MET: variants seen among roughly 807,000 people sequenced by gnomAD.
MET encodes the protein MET proto-oncogene, receptor tyrosine kinase, also known as hepatocyte growth factor receptor.
Under a neutral mutation model 133.1 loss-of-function variants are expected in MET, and 48 were observed. That is an observed-to-expected ratio of 0.36 (90% CI 0.29 to 0.46). The LOEUF is 0.46. MET is among the 20% of genes least tolerant of loss of function. The pLI is 1.00. For synonymous variants in MET, 628 were observed against 616.5 expected, an observed-to-expected ratio of 1.02 and a Z score of -0.28; for missense variants, 1,442 against 1,695.9, an observed-to-expected ratio of 0.85 and a Z score of 2.63.
intron 19 of MET, among the ~76,000 whole-genome samples, chr7:116,792,456 GACACACACACACACACACACAC>G (rs56212730): frequency 3.7e-5 from 3 of 80,738 alleles, no homozygotes; most frequent in South Asian, 5.7e-4. Flanking sequence ...TCAACCGACA[GACACACACACACACACACACAC>G]ACACACACAC....
chr7:116,712,702 C>A (rs1792044886), intron 2 of MET, among the ~76,000 whole-genome samples: 2 of 151,964 alleles, frequency 1.3e-5, no homozygotes, highest in Non-Finnish European at 2.9e-5. Flanking sequence ...CCCGTCCCCC[C>A]CACACACACC....
chr7:116,790,794 G>C (rs565630171), intron 19 of MET, among the ~76,000 whole-genome samples: 103 of 152,114 alleles, frequency 6.8e-4, no homozygotes, highest in African/African-American at 2.4e-3. Flanking sequence ...AGAACATTTG[G>C]GGCCAGGAGA....
At chr7:116,709,945 AT>A (rs1308423158) in intron 2 of MET, among the ~76,000 whole-genome samples, 1 of 152,206 alleles carries the variant, frequency 6.6e-6, no homozygotes, top group African/African-American at 2.4e-5. Flanking sequence ...AAGAAGAGGA[AT>A]TTCTAATAGG....
chr7:116,775,096 G>C lies in MET; in HGVS notation c.3244G>C (p.Glu1082Gln), dbSNP rs1584957997. The change falls in exon 15 of 21, where the codon GAA becomes CAA. Residue 1082 changes from glutamate (E) to glutamine (Q), a missense_variant. Coordinates refer to ENST00000397752, the MANE Select transcript of MET (RefSeq NM_000245.4). Reference protein sequence around the residue: ...GPSSLIVHFNEVIGRGHFGCV... With the variant: ...GPSSLIVHFNQVIGRGHFGCV... ...CAGTAGCCTGATTGTGCATTTCAAT[G>C]AAGTCATAGGAAGAGGTAAGTATTT... is the stretch of plus-strand genomic sequence containing the variant. The C allele has an allele frequency of 5.6e-6, 9 of 1,614,138 alleles. 1 individual carries two copies. The South Asian group carries it at 9.9e-5, about 18-fold the overall frequency.
rs1431679847 is a variant in MET at position 116,758,456 on chromosome 7, C to G, written c.2103-3C>G. 6.2e-7 allele frequency: 1 copy of G among 1,612,020 alleles called. No individual in the cohort carries two copies. The highest frequency in any genetic ancestry group is 1.1e-5 in the South Asian group (1 of 90,982). The stretch of plus-strand genomic sequence containing the variant: ...ATTCACTTCCTTAATTTTTTTTGTT[C>G]AGTGTGTCAAACAGTATTCTTGAAT... On this transcript the variant is annotated splice_polypyrimidine_tract_variant and splice_region_variant and intron_variant, in intron 8 of 20. Coordinates refer to ENST00000397752, the MANE Select transcript of MET (RefSeq NM_000245.4).
intron 1 of MET, among the ~76,000 whole-genome samples, chr7:116,673,708 T>G (rs920206176): frequency 1.3e-5 from 2 of 152,254 alleles, no homozygotes; most frequent in Non-Finnish European, 1.5e-5. Flanking sequence ...CTGAAAATGA[T>G]GTACATCATG....
intron 5 of MET, among the ~76,000 whole-genome samples, chr7:116,750,351 A>G (rs974589025): frequency 6.6e-6 from 1 of 152,216 alleles, no homozygotes; most frequent in African/African-American, 2.4e-5. Context: ...CTATTTAATA[A>G]ATGATGTTGG....
At chr7:116,772,955 T>G (rs1794879437) in intron 14 of MET, among the ~76,000 whole-genome samples, 2 of 152,242 alleles carry the variant, frequency 1.3e-5, no homozygotes, top group Admixed American at 1.3e-4. Flanking sequence ...AGTTTATTGT[T>G]TTGAAATTTA....
rs376384548 is a variant in MET, at chr7:116,677,795, C to T, written c.-15+5218C>T. Reference sequence around the variant, plus strand: ...GTGGTTATTTTTCTAAACTCATCAGCCCACATACTTTACATCAAACTATGT... The same window carrying T: ...GTGGTTATTTTTCTAAACTCATCAGTCCACATACTTTACATCAAACTATGT... On this transcript the variant is annotated intron_variant, in intron 1 of 20. Coordinates refer to ENST00000397752, the MANE Select transcript of MET (RefSeq NM_000245.4). 1.4e-3 allele frequency among the ~76,000 whole-genome samples: 206 copies of T among 152,276 alleles called. 1 individual carries two copies. In the Middle Eastern group the frequency reaches 0.031, roughly 23 times the overall value.
At chr7:116,740,770 G>A (rs750821229) in intron 4 of MET, 82 bp from the exon 5 acceptor site, 14 of 1,520,848 alleles carry the variant, frequency 9.2e-6, no homozygotes, top group South Asian at 1.1e-5. Flanking sequence ...ATATTTACAT[G>A]TACCTTTTGT....
At chr7:116,757,367 T>G in intron 6 of MET, 70 bp from the exon 7 acceptor site, 1 of 1,271,074 alleles carries the variant, frequency 7.9e-7, no homozygotes, top group Non-Finnish European at 1.1e-6. Context: ...TAATGTCACT[T>G]CCTATAAAAC....
intron 5 of MET, among the ~76,000 whole-genome samples, chr7:116,742,980 C>T (rs546997065): frequency 1.3e-5 from 2 of 152,304 alleles, no homozygotes; most frequent in East Asian, 1.9e-4. Flanking sequence ...GTCTGCAGCT[C>T]GCAGCAAGAT....
intron 1 of MET, among the ~76,000 whole-genome samples, chr7:116,693,568 A>C (rs1796851404): frequency 6.6e-6 from 1 of 152,222 alleles, no homozygotes; most frequent in Non-Finnish European, 1.5e-5. Flanking sequence ...GTTTGACCTC[A>C]GAATTGTGAA....
intron 1 of MET, among the ~76,000 whole-genome samples, chr7:116,691,831 A>ACAT (rs1460950810): frequency 1.6e-4 from 25 of 152,320 alleles, no homozygotes; most frequent in Admixed American, 3.3e-4. Flanking sequence ...CCACATACTC[A>ACAT]ACCCTGACCA....
chr7:116,789,486 C>T (rs1277153504), intron 19 of MET, among the ~76,000 whole-genome samples: 1 of 152,166 alleles, frequency 6.6e-6, no homozygotes, highest in African/African-American at 2.4e-5. Flanking sequence ...AGTTGTGTAA[C>T]CACCACCCCA....
chr7:116,694,661 TTAATA>T (rs1281024827), intron 1 of MET, among the ~76,000 whole-genome samples: 1 of 152,068 alleles, frequency 6.6e-6, no homozygotes, highest in African/African-American at 2.4e-5. Flanking sequence ...AAAACATAAT[TTAATA>T]TAATATCTCT....
At chr7:116,691,634 G>A (rs1202001389) in intron 1 of MET, among the ~76,000 whole-genome samples, 1 of 152,186 alleles carries the variant, frequency 6.6e-6, no homozygotes, top group African/African-American at 2.4e-5. Context: ...CTCCCTCCGT[G>A]TCTGGGCTCT....
rs201147646 is a variant in MET, at chr7:116,778,879, A to T, written c.3444A>T (p.Arg1148=). ...TCTCGCTCCTGGGAATCTGCCTGCG[A>T]AGTGAAGGGTCTCCGCTGGTGGTCC... The part of the protein sequence containing the change: ...NVLSLLGICL[R]SEGSPLVVLP... Residue 1148 remains arginine, a synonymous_variant, in exon 17 of 21, where the codon CGA becomes CGT. Coordinates refer to ENST00000397752, the MANE Select transcript of MET (RefSeq NM_000245.4). 6.2e-7 allele frequency: 1 copy of T among 1,613,944 alleles called. No individual in the cohort carries two copies. Among genetic ancestry groups the T allele is most frequent in the African/African-American group, 1.3e-5 (1 of 74,916 alleles).
rs190676713 is a variant in MET at position 116,785,186 on chromosome 7, G to A, written c.3798+1717G>A. ...GTGGCTCTACAGGGCTCAGCCCCAT[G>A]GCTGCTTTCATCGGCTGGCATTGAG... On this transcript the variant is annotated intron_variant, in intron 19 of 20. Transcript: ENST00000397752. Among the ~76,000 whole-genome samples the A allele has an allele frequency of 7.2e-5, 11 of 152,340 alleles. No individual in the cohort carries two copies. In the East Asian group the frequency reaches 2.1e-3, roughly 29 times the overall value.
Sources: gnomAD v4.1 joint callset for allele counts (sites outside exome capture counted in the v4.1 genomes callset) on GRCh38, gnomAD v4.1.1 for gene constraint, MANE v1.5 for transcripts, NCBI Gene and HGNC (gene_info 2026-07-23, HGNC 2026-07-21) for gene names.